EGFR: variants seen among roughly 807,000 people sequenced by gnomAD.
The protein encoded by EGFR is epidermal growth factor receptor.
In EGFR, 58 loss-of-function variants were observed where a neutral mutation model predicts 143.0. That is an observed-to-expected ratio of 0.41 (90% CI 0.33 to 0.50). The LOEUF is 0.50. EGFR is among the 20% of genes least tolerant of loss of function. The pLI is 0.39. For synonymous variants in EGFR, 613 were observed against 594.4 expected (o/e 1.03, Z -0.45); for missense variants, 1,307 against 1,579.0 (o/e 0.83, Z 2.92).
At position 55,116,536 on chromosome 7, in the gene EGFR, T is replaced by TACACAC. The variant is rs34058394; in HGVS notation, c.89-25734_89-25729dup. On this transcript the variant is annotated intron_variant, in intron 1 of 27. Coordinates refer to ENST00000275493, the MANE Select transcript of EGFR (RefSeq NM_005228.5). ...TATAACTAAATTCAAAAAAAACACA[T>TACACAC]ACACACACACACACACACACAAGTC... Among the ~76,000 whole-genome samples, 9 of 150,220 alleles carry TACACAC rather than the reference T, an allele frequency of 6.0e-5. No individual in the cohort carries two copies. In the South Asian group the frequency reaches 8.4e-4, roughly 14 times the overall value.
intron 1 of EGFR, among the ~76,000 whole-genome samples, chr7:55,047,298 T>C (rs1788230795): frequency 6.6e-6 from 1 of 152,242 alleles, no homozygotes; most frequent in Non-Finnish European, 1.5e-5. Context: ...AGTACACGAA[T>C]TTCAGTTTAG....
rs45621033 is a variant in EGFR, at chr7:55,152,577, C to T, written c.660C>T (p.Ser220=). ...AAATCATCTGTGCCCAGCAGTGCTCCGGGCGCTGCCGTGGCAAGTCCCCCA... is the reference window on the plus strand; with the variant it reads ...AAATCATCTGTGCCCAGCAGTGCTCTGGGCGCTGCCGTGGCAAGTCCCCCA... ...LTKIICAQQC[S]GRCRGKSPSD... Residue 220 remains serine (S), a synonymous_variant, in exon 6 of 28, where the codon TCC becomes TCT. Transcript: ENST00000275493. 4.8e-5 allele frequency: 77 copies of T among 1,613,906 alleles called. 2 individuals carry two copies. The Middle Eastern group carries it at 4.8e-3, about 100-fold the overall frequency.
chr7:55,072,726 G>A lies in EGFR; in HGVS notation c.88+53361G>A, dbSNP rs540759574. 2.0e-4 allele frequency among the ~76,000 whole-genome samples: 31 copies of A among 152,150 alleles called. No individual in the cohort carries two copies. In the South Asian group the frequency reaches 6.2e-3, roughly 31 times the overall value. On this transcript the variant is annotated intron_variant, in intron 1 of 27. Coordinates refer to ENST00000275493, the MANE Select transcript of EGFR (RefSeq NM_005228.5). ...TCATTGTGTTTAGATAAATATTGAC[G>A]GCTGCTTTTAACAGTCTGCTGTTTT...
chr7:55,163,585 A>T, intron 13 of EGFR, 148 bp from the exon 14 acceptor site: 1 of 707,072 alleles, frequency 1.4e-6, no homozygotes, highest in East Asian at 2.7e-5. Context: ...TTCAGTTAAC[A>T]AAATCAGCTG....
At chr7:55,116,662 T>C (rs563554626) in intron 1 of EGFR, among the ~76,000 whole-genome samples, 42 of 152,288 alleles carry the variant, frequency 2.8e-4, no homozygotes, top group Middle Eastern at 6.8e-3. Flanking sequence ...AAGCACCCCG[T>C]GCTGCCTCCT....
chr7:55,073,348 C>A (rs1334507818), intron 1 of EGFR, among the ~76,000 whole-genome samples: 3 of 152,164 alleles, frequency 2.0e-5, no homozygotes, highest in African/African-American at 7.2e-5. Flanking sequence ...AGGACCTTCC[C>A]AGGGGATTTT....
At chr7:55,160,467 T>C (rs762371589) in intron 12 of EGFR, 129 bp downstream of exon 12, 2 of 1,026,314 alleles carry the variant, frequency 1.9e-6, no homozygotes, top group Non-Finnish European at 2.8e-6. Context: ...AATTAAAATC[T>C]TAAGATTCCT....
chr7:55,078,651 CCATGCAGATCCCA>C (rs1242190416), intron 1 of EGFR, among the ~76,000 whole-genome samples: 40 of 152,302 alleles, frequency 2.6e-4, no homozygotes, highest in African/African-American at 9.4e-4. Flanking sequence ...GAGTTACTGC[CCATGCAGATCCCA>C]CGTGCAGGGC....
rs1017983303 is a variant in EGFR at position 55,068,874 on chromosome 7, G to T, written c.88+49509G>T. 2.0e-5 allele frequency among the ~76,000 whole-genome samples: 3 copies of T among 152,224 alleles called. No homozygotes were observed. In the East Asian group the frequency reaches 5.8e-4, roughly 29 times the overall value. ...CAACTTTAGGAATGTGTAGAAAGAA[G>T]GGTCAGGGACAGGGGTGAGTGGTGG... On this transcript the variant is annotated intron_variant, in intron 1 of 27. Transcript: ENST00000275493.
At position 55,173,907 on chromosome 7, in the gene EGFR, C is replaced by T; in HGVS notation, c.2062-14C>T. On this transcript the variant is annotated splice_polypyrimidine_tract_variant and intron_variant, in intron 17 of 27. Coordinates refer to ENST00000275493, the MANE Select transcript of EGFR (RefSeq NM_005228.5). ...CTGAGGTGACCCTTGTCTCTGTGTT[C>T]TTGTCCCCCCCAGCTTGTGGAGCCT... 1 of 1,614,214 alleles carries T rather than the reference C, an allele frequency of 6.2e-7. No individual in the cohort carries two copies. Among genetic ancestry groups the T allele is most frequent in the South Asian group, 1.1e-5 (1 of 91,080 alleles).
intron 4 of EGFR, among the ~76,000 whole-genome samples, chr7:55,148,814 A>G (rs1375207866): frequency 6.6e-6 from 1 of 152,100 alleles, no homozygotes; most frequent in Non-Finnish European, 1.5e-5. Flanking sequence ...CTGGTGCTTT[A>G]TGGCTACACG....
At chr7:55,196,785 T>C (rs1787639076) in intron 22 of EGFR, among the ~76,000 whole-genome samples, 1 of 151,774 alleles carries the variant, frequency 6.6e-6, no homozygotes, top group Non-Finnish European at 1.5e-5. Flanking sequence ...TTCATTGCTT[T>C]TTTTTTTTTG....
intron 2 of EGFR, 82 bp from the exon 3 acceptor site, chr7:55,143,223 A>G: frequency 6.6e-7 from 1 of 1,509,310 alleles, no homozygotes; most frequent in Non-Finnish European, 9.2e-7. Flanking sequence ...TGGGCGTCCT[A>G]GGGCTCCCTG....
chr7:55,083,256 A>G (rs2128890939), intron 1 of EGFR, among the ~76,000 whole-genome samples: 1 of 152,378 alleles, frequency 6.6e-6, no homozygotes, highest in Admixed American at 6.5e-5. Context: ...AGCATTAACC[A>G]TGGCAATGTC....
At chr7:55,153,952 C>T (rs1389612619) in intron 6 of EGFR, 59 bp from the exon 7 acceptor site, 16 of 1,612,394 alleles carry the variant, frequency 9.9e-6, no homozygotes, top group Admixed American at 6.7e-5. Flanking sequence ...GCGCTTCCTC[C>T]GTGTGTGGCG....
intron 13 of EGFR, among the ~76,000 whole-genome samples, 158 bp downstream of exon 13, chr7:55,161,789 G>T (rs371153304): frequency 6.6e-6 from 1 of 152,166 alleles, no homozygotes; most frequent in East Asian, 1.9e-4. Context: ...ACGGGAAGTT[G>T]TTTGATTGCG....
chr7:55,091,998 A>C (rs1000483970), intron 1 of EGFR, among the ~76,000 whole-genome samples: 4 of 135,288 alleles, frequency 3.0e-5, no homozygotes, highest in Non-Finnish European at 6.2e-5. Flanking sequence ...TACTCCTAGC[A>C]TTTCCTAGTC....
chr7:55,114,524 CATG>C (rs1792713368), intron 1 of EGFR, among the ~76,000 whole-genome samples: 1 of 152,070 alleles, frequency 6.6e-6, no homozygotes, highest in African/African-American at 2.4e-5. Flanking sequence ...TTTAAAAATA[CATG>C]ATGTTTAATT....
chr7:55,152,282 A>T (rs1785196085), intron 5 of EGFR: 9 of 651,438 alleles, frequency 1.4e-5, no homozygotes, highest in Middle Eastern at 2.5e-4. Context: ...TGCTTTCTGC[A>T]TTGCCCAAGA....
Sources: allele counts gnomAD v4.1 joint callset (sites outside exome capture counted in the v4.1 genomes callset), GRCh38; gene constraint gnomAD v4.1.1; transcripts MANE v1.5; gene names NCBI Gene and HGNC (gene_info 2026-07-23, HGNC 2026-07-21).